The following DDI2 variants were observed in gnomAD, a reference collection of about 807,000 sequenced individuals.
The protein encoded by DDI2 is protein DDI1 homolog 2.
Under a neutral mutation model 48.1 loss-of-function variants are expected in DDI2, and 5 were observed. The observed-to-expected ratio is 0.10, with a 90% CI of 0.05 to 0.22. The LOEUF is 0.22. DDI2 is among the 10% of genes least tolerant of loss of function. The probability of loss-of-function intolerance (pLI) is 1.00; values close to 1 mark genes in which losing one functional copy is unlikely to be tolerated. For synonymous variants in DDI2, 205 were observed against 183.6 expected (o/e 1.12, Z -0.94); for missense variants, 285 against 506.2 (o/e 0.56, Z 4.19).
chr1:15,646,964 C>A (rs537630047), intron 6 of DDI2, among the ~76,000 whole-genome samples: 1 of 152,188 alleles, frequency 6.6e-6, no homozygotes, highest in East Asian at 1.9e-4. Flanking sequence ...TTTTTCTGTG[C>A]ACTTTTTTAT....
rs1204540086 is a variant in DDI2 at position 15,665,654 on chromosome 1, AAAGC to A, written c.*5871_*5874del. ...GTATAGTTAATTTTATATGGATTTA[AAAGC>A]AAGCAATTTTTATATCTACAGACGT... is the stretch of plus-strand genomic sequence containing the variant. On this transcript the variant is annotated 3_prime_UTR_variant, in exon 10 of 10. Coordinates refer to ENST00000480945, the MANE Select transcript of DDI2 (RefSeq NM_032341.5). 3.3e-5 allele frequency: 5 copies of A among 152,352 alleles called. No homozygotes were observed. Among genetic ancestry groups the A allele is most frequent in the African/African-American group, 1.2e-4 (5 of 41,578 alleles). The allele number at this position is 152,352 out of a possible 1,614,324, so 9.4% of individuals were successfully genotyped here.
intron 6 of DDI2, among the ~76,000 whole-genome samples, chr1:15,646,096 C>A (rs972071381): frequency 9.9e-5 from 15 of 152,202 alleles, no homozygotes; most frequent in African/African-American, 3.6e-4. Context: ...GCCTCTGTTT[C>A]ACCCTCTCCA....
At chr1:15,629,400 A>G (rs890414154) in intron 2 of DDI2, among the ~76,000 whole-genome samples, 2 of 152,102 alleles carry the variant, frequency 1.3e-5, no homozygotes, top group Admixed American at 1.3e-4. Flanking sequence ...TTTCGAGACC[A>G]GCCTGGCCAA....
At position 15,651,835 on chromosome 1, in the gene DDI2, C is replaced by A; in HGVS notation, c.1123C>A (p.Pro375Thr). The stretch of plus-strand genomic sequence containing the variant: ...TGGGGCTGGAAGAGAGGATGTACGG[C>A]CAGAGGAGATTGCAGACCAAGAATT... Reference protein sequence around the residue: ...AYGAGREDVRPEEIADQELAE... With the variant: ...AYGAGREDVRTEEIADQELAE... The change falls in exon 8 of 10, where the codon CCA (proline) becomes ACA (threonine). Residue 375 changes from proline (P) to threonine (T), a missense_variant. Coordinates refer to ENST00000480945, the MANE Select transcript of DDI2 (RefSeq NM_032341.5). The A allele has an allele frequency of 1.2e-6, 2 of 1,613,912 alleles. No homozygotes were observed. Among genetic ancestry groups the A allele is most frequent in the Non-Finnish European group, 1.7e-6 (2 of 1,179,936 alleles).
chr1:15,644,975 C>T (rs1029855241), intron 6 of DDI2, among the ~76,000 whole-genome samples: 1 of 152,158 alleles, frequency 6.6e-6, no homozygotes, highest in African/African-American at 2.4e-5. Flanking sequence ...CTGCAACCTC[C>T]GCCTCCCGGG....
intron 2 of DDI2, among the ~76,000 whole-genome samples, chr1:15,629,889 G>A (rs576324204): frequency 6.6e-6 from 1 of 151,712 alleles, no homozygotes; most frequent in African/African-American, 2.4e-5. Context: ...CTGCGACCAC[G>A]CCCAGCTAAT....
At chr1:15,645,874 A>G (rs1306883417) in intron 6 of DDI2, among the ~76,000 whole-genome samples, 1 of 151,718 alleles carries the variant, frequency 6.6e-6, no homozygotes, top group Non-Finnish European at 1.5e-5. Flanking sequence ...TCTCAAAAAA[A>G]AAAAAAAAAA....
At chr1:15,653,272 A>C (rs1339522519) in intron 8 of DDI2, among the ~76,000 whole-genome samples, 1 of 140,328 alleles carries the variant, frequency 7.1e-6, no homozygotes, top group East Asian at 1.9e-4. Flanking sequence ...TATTTTATTT[A>C]TTTTATTTTA....
At position 15,651,690 on chromosome 1, in the gene DDI2, G is replaced by C; in HGVS notation, c.994-16G>C. On this transcript the variant is annotated splice_polypyrimidine_tract_variant and intron_variant, in intron 7 of 9. Coordinates refer to ENST00000480945, the MANE Select transcript of DDI2 (RefSeq NM_032341.5). The stretch of plus-strand genomic sequence containing the variant: ...GTGTTTTATCTGCTATTATTCTTTG[G>C]TTTCTTTCTTCCAAGTGTTCCATCG... The C allele has an allele frequency of 6.3e-7, 1 of 1,585,340 alleles. No homozygotes were observed. Among genetic ancestry groups the C allele is most frequent in the Non-Finnish European group, 8.6e-7 (1 of 1,168,188 alleles).
intron 5 of DDI2, among the ~76,000 whole-genome samples, chr1:15,642,406 G>A (rs1177055569): frequency 6.6e-6 from 1 of 152,224 alleles, no homozygotes; most frequent in East Asian, 1.9e-4. Flanking sequence ...TTTATTAATA[G>A]TAGACTATAG....
At chr1:15,644,755 G>A (rs1430066805) in intron 6 of DDI2, among the ~76,000 whole-genome samples, 2 of 150,508 alleles carry the variant, frequency 1.3e-5, no homozygotes, top group African/African-American at 2.4e-5. Context: ...CACCGCACCC[G>A]GCTAATTTTT....
intron 6 of DDI2, among the ~76,000 whole-genome samples, chr1:15,647,521 C>T (rs989227464): frequency 3.9e-5 from 6 of 152,066 alleles, no homozygotes; most frequent in Non-Finnish European, 7.4e-5. Flanking sequence ...AGTCAAGATT[C>T]CTATAAGTGA....
In DDI2 at chr1:15,652,587, G is replaced by A. The variant is rs1376674379; in HGVS notation, c.1183+692G>A. Among the ~76,000 whole-genome samples the A allele has an allele frequency of 5.3e-5, 8 of 151,970 alleles. 1 individual carries two copies. The highest frequency in any genetic ancestry group is 1.9e-4 in the African/African-American group (8 of 41,468). ...GCCTGTAATCCCAGCACTTTGGGAGGCTGAGGCAGGTGGATCACGAGGTCA... is the reference window on the plus strand; with the variant it reads ...GCCTGTAATCCCAGCACTTTGGGAGACTGAGGCAGGTGGATCACGAGGTCA... On this transcript the variant is annotated intron_variant, in intron 8 of 9. Transcript: ENST00000480945.
chr1:15,658,534 G>A (rs552974441), intron 9 of DDI2, among the ~76,000 whole-genome samples: 4 of 151,390 alleles, frequency 2.6e-5, no homozygotes, highest in African/African-American at 7.2e-5. Flanking sequence ...AGGCTGAGGC[G>A]GGCGGATCAC....
At chr1:15,622,198 CTTTT>C (rs923707351) in intron 1 of DDI2, among the ~76,000 whole-genome samples, 7 of 131,234 alleles carry the variant, frequency 5.3e-5, no homozygotes, top group Non-Finnish European at 8.0e-5. Context: ...GTAGCTGCGA[CTTTT>C]TTTTTTTTTT....
At chr1:15,634,264 A>G (rs1570973632) in intron 4 of DDI2, 2 of 153,590 alleles carry the variant, frequency 1.3e-5, no homozygotes, top group East Asian at 3.8e-4. Context: ...AGTCACACTG[A>G]TAGTCACAAG....
Position 15,617,619 on chromosome 1 carries a change from G to A in DDI2, c.-52G>A. Reference sequence around the variant, plus strand: ...GCCACGCCGCCGCCTCTTCCCCTGCGCCCCGCGCCCAGGCCGGGCCGAGCC... The same window carrying A: ...GCCACGCCGCCGCCTCTTCCCCTGCACCCCGCGCCCAGGCCGGGCCGAGCC... On this transcript the variant is annotated 5_prime_UTR_variant, in exon 1 of 10. Coordinates refer to ENST00000480945, the MANE Select transcript of DDI2 (RefSeq NM_032341.5). 7.8e-7 allele frequency: 1 copy of A among 1,290,270 alleles called. No homozygotes were observed. The highest frequency in any genetic ancestry group is 9.9e-7 in the Non-Finnish European group (1 of 1,012,590). The allele number at this position is 1,290,270 out of a possible 1,614,324, so 79.9% of individuals were successfully genotyped here. A position where few individuals can be genotyped will look rare whatever the true frequency, so the allele number is the denominator to read the frequency against.
intron 9 of DDI2, among the ~76,000 whole-genome samples, chr1:15,658,547 G>A (rs1640307141): frequency 6.6e-6 from 1 of 151,216 alleles, no homozygotes; most frequent in Non-Finnish European, 1.5e-5. Flanking sequence ...CGGATCACCT[G>A]AGGTCAAGAG....
chr1:15,637,442 GC>G (rs1489793574), intron 4 of DDI2, among the ~76,000 whole-genome samples: 3 of 152,048 alleles, frequency 2.0e-5, no homozygotes, highest in Admixed American at 1.3e-4. Flanking sequence ...TGCGATCTTG[GC>G]TGCAACCTCC....
Sources: gnomAD v4.1 joint callset for allele counts (sites outside exome capture counted in the v4.1 genomes callset) on GRCh38, gnomAD v4.1.1 for gene constraint, MANE v1.5 for transcripts, NCBI Gene and HGNC (gene_info 2026-07-23, HGNC 2026-07-21) for gene names.